The following COG5 variants were observed in gnomAD, a reference collection of about 807,000 sequenced individuals.
The protein encoded by COG5 is conserved oligomeric Golgi complex subunit 5.
In COG5, 86 loss-of-function variants were observed where a neutral mutation model predicts 110.4. That is an observed-to-expected ratio of 0.78 (90% CI 0.65 to 0.93). COG5 has a LOEUF of 0.93. Ranked by LOEUF, COG5 falls within the 40% of genes least tolerant of loss-of-function variation. The pLI, the probability that COG5 is intolerant of heterozygous loss-of-function variation, is 0.00. For missense variants in COG5, 1,077 were observed against 987.0 expected, an observed-to-expected ratio of 1.09 and a Z score of -1.22; for synonymous variants, 360 against 334.6, an observed-to-expected ratio of 1.08 and a Z score of -0.83.
intron 6 of COG5, among the ~76,000 whole-genome samples, chr7:107,503,428 A>G (rs1431968885): frequency 6.6e-6 from 1 of 152,030 alleles, no homozygotes; most frequent in Non-Finnish European, 1.5e-5. Flanking sequence ...CTAAGAGTCC[A>G]GTAATATGAT....
intron 6 of COG5, among the ~76,000 whole-genome samples, chr7:107,510,082 C>G (rs187835701): frequency 6.7e-6 from 1 of 149,942 alleles, no homozygotes; most frequent in African/African-American, 2.4e-5. Flanking sequence ...GCTAAATGCT[C>G]CAATTAAAAG....
intron 7 of COG5, among the ~76,000 whole-genome samples, chr7:107,375,319 C>T (rs965515215): frequency 2.0e-5 from 3 of 151,924 alleles, no homozygotes; most frequent in East Asian, 3.8e-4. Context: ...TAATTTATGC[C>T]GCCATGAACA....
chr7:107,518,751 C>T lies in COG5; in HGVS notation c.538+8486G>A, dbSNP rs1186706201. Reference sequence around the variant, plus strand: ...CCACTGTCAACATTAGACAGATCAACGGGACAGAAAATTAACGAGGATATT... The same window carrying T: ...CCACTGTCAACATTAGACAGATCAATGGGACAGAAAATTAACGAGGATATT... On this transcript the variant is annotated intron_variant, in intron 6 of 21. Transcript: ENST00000297135. 4.6e-5 allele frequency among the ~76,000 whole-genome samples: 7 copies of T among 152,182 alleles called. 1 individual carries two copies. The South Asian group carries it at 8.3e-4, about 18-fold the overall frequency.
intron 6 of COG5, among the ~76,000 whole-genome samples, chr7:107,448,007 T>C (rs974823723): frequency 2.0e-5 from 3 of 151,884 alleles, no homozygotes; most frequent in Admixed American, 2.0e-4. Flanking sequence ...AATACAAAAA[T>C]TAGTTGGGCG....
At chr7:107,520,688 A>G (rs940217799) in intron 6 of COG5, among the ~76,000 whole-genome samples, 8 of 152,218 alleles carry the variant, frequency 5.3e-5, no homozygotes, top group Non-Finnish European at 1.5e-5. Context: ...ATGGATAGGA[A>G]GAATCAATAC....
At chr7:107,303,389 T>G (rs942395644) in intron 11 of COG5, among the ~76,000 whole-genome samples, 2 of 152,056 alleles carry the variant, frequency 1.3e-5, no homozygotes, top group African/African-American at 4.8e-5. Flanking sequence ...TACAAACAAG[T>G]ATTATATATT....
chr7:107,385,808 T>TC (rs1013896934), intron 7 of COG5, among the ~76,000 whole-genome samples: 8 of 148,082 alleles, frequency 5.4e-5, no homozygotes, highest in African/African-American at 2.0e-4. Context: ...TTATTTTCTT[T>TC]TTTTTTTTTT....
chr7:107,216,008 C>G (rs1369775115), intron 19 of COG5, among the ~76,000 whole-genome samples: 1 of 151,938 alleles, frequency 6.6e-6, no homozygotes, highest in Non-Finnish European at 1.5e-5. Flanking sequence ...TGCGCCTGGC[C>G]CGAGACTCAA....
chr7:107,536,841 C>T (rs1417516315), intron 5 of COG5, among the ~76,000 whole-genome samples: 5 of 152,196 alleles, frequency 3.3e-5, no homozygotes, highest in Non-Finnish European at 5.9e-5. Context: ...CTAGAGGCAT[C>T]ACACTGCCTG....
chr7:107,245,489 T>C (rs1172015082), intron 17 of COG5, among the ~76,000 whole-genome samples: 1 of 152,200 alleles, frequency 6.6e-6, no homozygotes, highest in East Asian at 1.9e-4. Context: ...CAAAAGCTCC[T>C]TCAGCTGATA....
chr7:107,551,073 C>T (rs745636840), intron 3 of COG5, among the ~76,000 whole-genome samples: 3 of 152,154 alleles, frequency 2.0e-5, no homozygotes, highest in African/African-American at 4.8e-5. Context: ...GATGGAGTCT[C>T]GCTCTGTCGC....
At chr7:107,299,432 T>TG (rs1213752801) in intron 11 of COG5, among the ~76,000 whole-genome samples, 1 of 152,120 alleles carries the variant, frequency 6.6e-6, no homozygotes, top group Non-Finnish European at 1.5e-5. Flanking sequence ...AAAACTTTCA[T>TG]GAAATACACA....
intron 14 of COG5, among the ~76,000 whole-genome samples, chr7:107,274,428 T>C (rs1483760966): frequency 6.6e-6 from 1 of 152,212 alleles, no homozygotes; most frequent in Non-Finnish European, 1.5e-5. Flanking sequence ...TGTATCTTCA[T>C]TCTTTGCTAT....
chr7:107,276,062 T>A (rs1293383743), intron 14 of COG5, among the ~76,000 whole-genome samples: 1 of 152,202 alleles, frequency 6.6e-6, no homozygotes, highest in Non-Finnish European at 1.5e-5. Flanking sequence ...AGACCTCCCC[T>A]TAAATGTCAT....
intron 5 of COG5, among the ~76,000 whole-genome samples, chr7:107,545,447 T>C (rs147352084): frequency 5.9e-5 from 9 of 152,174 alleles, no homozygotes; most frequent in South Asian, 4.2e-4. Context: ...GTAGAAATCT[T>C]ATAAGCCAGG....
At chr7:107,551,199 C>T (rs1362358441) in intron 3 of COG5, among the ~76,000 whole-genome samples, 2 of 152,140 alleles carry the variant, frequency 1.3e-5, no homozygotes, top group African/African-American at 4.8e-5. Flanking sequence ...CCCACCACCA[C>T]ACCTGGCTAA....
chr7:107,266,644 C>A (rs1428153508), intron 14 of COG5, among the ~76,000 whole-genome samples: 1 of 151,908 alleles, frequency 6.6e-6, no homozygotes, highest in Non-Finnish European at 1.5e-5. Flanking sequence ...CGAGTTATTC[C>A]TAGGGTGTAA....
At chr7:107,408,247 G>C (rs1202117618) in intron 7 of COG5, among the ~76,000 whole-genome samples, 1 of 152,188 alleles carries the variant, frequency 6.6e-6, no homozygotes, top group South Asian at 2.1e-4. Context: ...GCAGAGTTCA[G>C]TAGTTATAAC....
In COG5 at chr7:107,383,718, C is replaced by A. The variant is rs547634251; in HGVS notation, c.670-10958G>T. 7.8e-4 allele frequency among the ~76,000 whole-genome samples: 118 copies of A among 152,256 alleles called. 1 individual carries two copies. The highest frequency in any genetic ancestry group is 4.0e-3 in the Admixed American group (61 of 15,310). On this transcript the variant is annotated intron_variant, in intron 7 of 21. Coordinates refer to ENST00000297135, the MANE Select transcript of COG5 (RefSeq NM_006348.5). ...GCCTGTTCCTCTCTTTCTAAATGGG[C>A]AGCCATTCATCTTCAGTCTGTACCC...
Sources: gnomAD v4.1 joint callset for allele counts (sites outside exome capture counted in the v4.1 genomes callset) on GRCh38, gnomAD v4.1.1 for gene constraint, MANE v1.5 for transcripts, NCBI Gene and HGNC (gene_info 2026-07-23, HGNC 2026-07-21) for gene names.